Variants in NCKAP5 observed in about 807,000 individuals in gnomAD.
The protein encoded by NCKAP5 is nck-associated protein 5.
In NCKAP5, 92 loss-of-function variants were observed where a neutral mutation model predicts 167.0. The observed-to-expected ratio is 0.55, with a 90% CI of 0.47 to 0.66. NCKAP5 has a LOEUF of 0.66. Among genes scored for constraint, NCKAP5 ranks in the 30% least tolerant of loss-of-function variants. The pLI is 0.00. For synonymous variants in NCKAP5, 891 were observed against 877.4 expected, an observed-to-expected ratio of 1.02 and a Z score of -0.27; for missense variants, 2,378 against 2,315.0, an observed-to-expected ratio of 1.03 and a Z score of -0.56.
chr2:133,335,180 G>C (rs562984591), intron 3 of NCKAP5, among the ~76,000 whole-genome samples: 20 of 152,136 alleles, frequency 1.3e-4, no homozygotes, highest in African/African-American at 4.6e-4. Flanking sequence ...TCCATGGAAT[G>C]TCTCAGTGGT....
At chr2:133,665,196 G>A in the NCKAP5 span, among the ~76,000 whole-genome samples, 4 of 152,158 alleles carry the variant, frequency 2.6e-5, no homozygotes, top group Non-Finnish European at 5.9e-5. Context: ...CATTTCCTTT[G>A]CATTCACAAC....
At chr2:133,541,670 A>G (rs1395823212) in intron 2 of NCKAP5, among the ~76,000 whole-genome samples, 2 of 152,044 alleles carry the variant, frequency 1.3e-5, no homozygotes, top group Non-Finnish European at 2.9e-5. Flanking sequence ...TTTTTGTTGA[A>G]TAAATGTTTG....
At chr2:133,657,808 G>A in the NCKAP5 span, among the ~76,000 whole-genome samples, 1 of 152,100 alleles carries the variant, frequency 6.6e-6, no homozygotes, top group East Asian at 1.9e-4. Flanking sequence ...TGAGGGAGAA[G>A]GTTCTCAAAA....
intron 4 of NCKAP5, among the ~76,000 whole-genome samples, chr2:133,283,937 T>C (rs1315294087): frequency 6.6e-6 from 1 of 152,180 alleles, no homozygotes; most frequent in Non-Finnish European, 1.5e-5. Context: ...AGTTAAATTT[T>C]TGCTTTATAG....
At position 133,163,165 on chromosome 2, in the gene NCKAP5, A is replaced by T. The variant is rs375075877; in HGVS notation, c.208-33054T>A. On this transcript the variant is annotated intron_variant, in intron 5 of 19. Transcript: ENST00000409261. ...ACAGTACTTTGACTACCTCCAGAGG[A>T]ATTAAAGGGCTATCATTCCACATGA... Among the ~76,000 whole-genome samples, 3 of 152,354 alleles carry T rather than the reference A, an allele frequency of 2.0e-5. No homozygotes were observed. The East Asian group carries it at 5.8e-4, about 29-fold the overall frequency.
At chr2:132,961,015 T>C (rs1037051018) in intron 8 of NCKAP5, among the ~76,000 whole-genome samples, 1 of 152,196 alleles carries the variant, frequency 6.6e-6, no homozygotes, top group Admixed American at 6.5e-5. Context: ...ATTCTTTGTT[T>C]TTTTAAAATC....
chr2:132,732,227 G>A (rs1196187601), intron 16 of NCKAP5, among the ~76,000 whole-genome samples, 176 bp from the exon 17 acceptor site: 3 of 149,100 alleles, frequency 2.0e-5, no homozygotes, highest in Non-Finnish European at 4.4e-5. Flanking sequence ...TCACTCATAG[G>A]TGGGAATTGA....
chr2:133,585,276 A>G, the NCKAP5 span, among the ~76,000 whole-genome samples: 1 of 152,248 alleles, frequency 6.6e-6, no homozygotes, highest in South Asian at 2.1e-4. Context: ...CACTTTTCAT[A>G]CAGGTTTCAT....
intron 4 of NCKAP5, among the ~76,000 whole-genome samples, chr2:133,271,559 A>G (rs1319012500): frequency 6.6e-6 from 1 of 152,230 alleles, no homozygotes; most frequent in African/African-American, 2.4e-5. Context: ...AAATGACATC[A>G]CAAGGAAACC....
At chr2:132,742,772 TAAG>T (rs1021348437) in intron 16 of NCKAP5, among the ~76,000 whole-genome samples, 1 of 151,960 alleles carries the variant, frequency 6.6e-6, no homozygotes, top group African/African-American at 2.4e-5. Flanking sequence ...TACTTGCTTC[TAAG>T]GATTTTAATT....
At chr2:133,329,704 C>G (rs1453004039) in intron 3 of NCKAP5, among the ~76,000 whole-genome samples, 3 of 152,082 alleles carry the variant, frequency 2.0e-5, no homozygotes, top group Non-Finnish European at 4.4e-5. Context: ...CTTATCACAT[C>G]CAATGCTAAG....
At chr2:132,688,658 G>C (rs73957614) in intron 19 of NCKAP5, among the ~76,000 whole-genome samples, 1,678 of 152,162 alleles carry the variant, frequency 0.011, 33 homozygotes, top group African/African-American at 0.038. Context: ...CATCACCTGG[G>C]GGAAGGGGAG....
chr2:133,234,435 T>C (rs989795434), intron 4 of NCKAP5, among the ~76,000 whole-genome samples: 14 of 152,172 alleles, frequency 9.2e-5, no homozygotes. Context: ...AGACCATTAG[T>C]TCTCTGGACC....
At chr2:133,334,708 G>A (rs1683098320) in intron 3 of NCKAP5, among the ~76,000 whole-genome samples, 1 of 152,200 alleles carries the variant, frequency 6.6e-6, no homozygotes, top group South Asian at 2.1e-4. Flanking sequence ...CCCCTTGAAG[G>A]AGGCTGCTGC....
chr2:133,214,737 C>T (rs1452162196), intron 4 of NCKAP5, among the ~76,000 whole-genome samples: 2 of 143,660 alleles, frequency 1.4e-5, no homozygotes, highest in Non-Finnish European at 3.1e-5. Flanking sequence ...AGTATTTCCC[C>T]TGATATTCTT....
At chr2:132,720,650 T>G (rs1005196435) in intron 19 of NCKAP5, among the ~76,000 whole-genome samples, 1 of 152,116 alleles carries the variant, frequency 6.6e-6, no homozygotes, top group Non-Finnish European at 1.5e-5. Context: ...GCAGCCTCTG[T>G]AAGCTTCCTA....
intron 6 of NCKAP5, among the ~76,000 whole-genome samples, chr2:133,024,174 T>C (rs1205156143): frequency 3.9e-5 from 6 of 152,184 alleles, no homozygotes; most frequent in Non-Finnish European, 8.8e-5. Flanking sequence ...TAGTACAAGC[T>C]CTTCCAAAGA....
chr2:133,435,405 T>C (rs1459709035), intron 3 of NCKAP5, among the ~76,000 whole-genome samples: 3 of 152,160 alleles, frequency 2.0e-5, no homozygotes, highest in Admixed American at 6.5e-5. Flanking sequence ...AAGAGAGCAA[T>C]GTTTTTAATA....
chr2:133,109,156 A>G (rs1320309055), intron 6 of NCKAP5, among the ~76,000 whole-genome samples: 1 of 152,222 alleles, frequency 6.6e-6, no homozygotes. Flanking sequence ...ATACAACAAT[A>G]TAAGCTTCCT....
Sources: gnomAD v4.1 joint callset for allele counts (sites outside exome capture counted in the v4.1 genomes callset) on GRCh38, gnomAD v4.1.1 for gene constraint, MANE v1.5 for transcripts, NCBI Gene and HGNC (gene_info 2026-07-23, HGNC 2026-07-21) for gene names.